The following MAGI2 variants were observed in gnomAD, a reference collection of about 807,000 sequenced individuals.
MAGI2 encodes the protein membrane associated guanylate kinase, WW and PDZ domain containing 2, also known as membrane-associated guanylate kinase, WW and PDZ domain-containing protein 2.
Under a neutral mutation model 133.3 loss-of-function variants are expected in MAGI2, and 35 were observed. That is an observed-to-expected ratio of 0.26 (90% CI 0.20 to 0.35). The LOEUF is 0.35. Ranked by LOEUF, MAGI2 falls within the 10% of genes least tolerant of loss-of-function variation. The pLI, the probability that MAGI2 is intolerant of heterozygous loss-of-function variation, is 1.00. For synonymous variants in MAGI2, 729 were observed against 710.6 expected (o/e 1.03, Z -0.41); for missense variants, 1,636 against 1,863.4 (o/e 0.88, Z 2.25).
intron 1 of MAGI2, among the ~76,000 whole-genome samples, chr7:79,011,926 T>TTCC (rs1325972321): frequency 2.5e-5 from 2 of 79,114 alleles, no homozygotes; most frequent in Non-Finnish European, 5.5e-5. Flanking sequence ...CCTTCCTTCC[T>TTCC]TTCTTTCTTT....
intron 6 of MAGI2, among the ~76,000 whole-genome samples, chr7:78,430,621 T>C (rs1175165737): frequency 6.6e-6 from 1 of 152,030 alleles, no homozygotes; most frequent in Non-Finnish European, 1.5e-5. Flanking sequence ...TAAACAGTTG[T>C]TATAGGAGGA....
At chr7:78,672,951 T>C (rs1814568971) in intron 2 of MAGI2, among the ~76,000 whole-genome samples, 1 of 152,180 alleles carries the variant, frequency 6.6e-6, no homozygotes, top group South Asian at 2.1e-4. Context: ...GCTTTTATCA[T>C]GCTTAGCCTA....
chr7:78,937,461 T>C (rs971102455), intron 2 of MAGI2, among the ~76,000 whole-genome samples: 2 of 152,088 alleles, frequency 1.3e-5, no homozygotes, highest in African/African-American at 2.4e-5. Flanking sequence ...ATGCTAAAAT[T>C]AGTGGAATAA....
chr7:78,730,740 C>T (rs1821290260), intron 2 of MAGI2, among the ~76,000 whole-genome samples: 1 of 152,054 alleles, frequency 6.6e-6, no homozygotes, highest in South Asian at 2.1e-4. Flanking sequence ...GTGGTCTCCG[C>T]TGGGAAACAC....
intron 10 of MAGI2, among the ~76,000 whole-genome samples, chr7:78,220,801 G>T (rs1244972856): frequency 1.3e-5 from 2 of 152,158 alleles, no homozygotes; most frequent in Non-Finnish European, 1.5e-5. Context: ...ATAATTAATG[G>T]CAGAATTGGG....
intron 2 of MAGI2, among the ~76,000 whole-genome samples, chr7:78,705,082 G>T (rs1373653877): frequency 6.6e-6 from 1 of 151,906 alleles, no homozygotes; most frequent in African/African-American, 2.4e-5. Context: ...TTTCCTTTTT[G>T]GGGGAAGAAC....
At chr7:79,165,388 C>T (rs766674747) in intron 1 of MAGI2, among the ~76,000 whole-genome samples, 2 of 151,956 alleles carry the variant, frequency 1.3e-5, no homozygotes, top group Non-Finnish European at 2.9e-5. Context: ...GTTCACACTA[C>T]TCAGCTTTTA....
intron 2 of MAGI2, among the ~76,000 whole-genome samples, chr7:78,792,752 T>C (rs2151373387): frequency 6.6e-6 from 1 of 152,278 alleles, no homozygotes; most frequent in South Asian, 2.1e-4. Flanking sequence ...GTAATTCATA[T>C]AGTGAAAGAG....
At position 78,482,363 on chromosome 7, in the gene MAGI2, G is replaced by A. The variant is rs190730171; in HGVS notation, c.1045+7398C>T. On this transcript the variant is annotated intron_variant, in intron 6 of 21. Coordinates refer to ENST00000354212, the MANE Select transcript of MAGI2 (RefSeq NM_012301.4). The stretch of plus-strand genomic sequence containing the variant: ...TGGCAGTTTGTCCTAAAACTGAAAC[G>A]CACTTAGTATATAATCCAGCAATTG... Among the ~76,000 whole-genome samples the A allele has an allele frequency of 2.7e-3, 415 of 151,954 alleles. 2 individuals carry two copies. The highest frequency in any genetic ancestry group is 9.6e-3 in the African/African-American group (399 of 41,522).
At chr7:79,435,885 CA>C (rs1334530531) in intron 1 of MAGI2, among the ~76,000 whole-genome samples, 7 of 152,002 alleles carry the variant, frequency 4.6e-5, no homozygotes, top group Non-Finnish European at 7.4e-5. Flanking sequence ...TACAGTAATC[CA>C]AACAGCATGG....
At chr7:78,631,434 C>T (rs959937134) in intron 2 of MAGI2, among the ~76,000 whole-genome samples, 20 of 152,142 alleles carry the variant, frequency 1.3e-4, no homozygotes. Context: ...TTCAGTTCAT[C>T]GCTGCTCTTC....
chr7:78,416,562 AC>A (rs1171880402), intron 6 of MAGI2, among the ~76,000 whole-genome samples: 2 of 152,160 alleles, frequency 1.3e-5, no homozygotes, highest in Non-Finnish European at 2.9e-5. Flanking sequence ...GTTCTAAAAC[AC>A]TTTTTTGCCT....
At chr7:78,034,621 G>A (rs1221899582) in intron 21 of MAGI2, among the ~76,000 whole-genome samples, 10 of 152,060 alleles carry the variant, frequency 6.6e-5, no homozygotes, top group African/African-American at 1.2e-4. Flanking sequence ...TCTGCCTCCC[G>A]GGTTCAAGCA....
chr7:79,303,882 T>A (rs988251075), intron 1 of MAGI2, among the ~76,000 whole-genome samples: 1 of 152,182 alleles, frequency 6.6e-6, no homozygotes, highest in Non-Finnish European at 1.5e-5. Flanking sequence ...GTTAATGTGT[T>A]GCTAGATCAT....
rs186948737 is a variant in MAGI2 at position 79,215,185 on chromosome 7, C to T, written c.302-207979G>A. 4.5e-4 allele frequency among the ~76,000 whole-genome samples: 67 copies of T among 150,302 alleles called. 1 individual carries two copies. In the East Asian group the frequency reaches 0.01, roughly 23 times the overall value. On this transcript the variant is annotated intron_variant, in intron 1 of 21. Coordinates refer to ENST00000354212, the MANE Select transcript of MAGI2 (RefSeq NM_012301.4). ...CAACTGACCAGCGTTAACATTAAAA[C>T]GAAGTTTAAAGACTGACAAACAGAC...
intron 2 of MAGI2, among the ~76,000 whole-genome samples, chr7:78,886,132 T>C (rs566362361): frequency 6.6e-6 from 1 of 152,314 alleles, no homozygotes; most frequent in East Asian, 1.9e-4. Flanking sequence ...CCCTTCCACA[T>C]CCCCTGCAGA....
chr7:79,320,473 A>G (rs918956119), intron 1 of MAGI2, among the ~76,000 whole-genome samples: 3 of 152,072 alleles, frequency 2.0e-5, no homozygotes, highest in Non-Finnish European at 4.4e-5. Context: ...GTTGTTTTAT[A>G]AGGTGTTGAA....
intron 2 of MAGI2, among the ~76,000 whole-genome samples, chr7:78,910,281 T>A (rs73375220): frequency 0.016 from 2,443 of 148,776 alleles, 77 homozygotes; most frequent in African/African-American, 0.057. Flanking sequence ...TTTTTTTTTT[T>A]AAAGGAAAAA....
intron 2 of MAGI2, among the ~76,000 whole-genome samples, chr7:78,902,254 G>T (rs1797666981): frequency 6.6e-6 from 1 of 152,060 alleles, no homozygotes; most frequent in Non-Finnish European, 1.5e-5. Context: ...CTAGGACTGG[G>T]CCTAATCATA....
Sources: gnomAD v4.1 joint callset for allele counts (sites outside exome capture counted in the v4.1 genomes callset) on GRCh38, gnomAD v4.1.1 for gene constraint, MANE v1.5 for transcripts, NCBI Gene and HGNC (gene_info 2026-07-23, HGNC 2026-07-21) for gene names.